DCUN1D4: variants seen among roughly 807,000 people sequenced by gnomAD.
DCUN1D4 encodes DCN1-like protein 4.
DCUN1D4 carries 22 observed loss-of-function variants against 47.9 expected under a neutral mutation model. The observed-to-expected ratio is 0.46, with a 90% CI of 0.33 to 0.66. The LOEUF is 0.66. Among genes scored for constraint, DCUN1D4 ranks in the 30% least tolerant of loss-of-function variants. The pLI is 0.02. For missense variants in DCUN1D4, 301 were observed against 340.8 expected, an observed-to-expected ratio of 0.88 and a Z score of 0.92; for synonymous variants, 121 against 112.2, an observed-to-expected ratio of 1.08 and a Z score of -0.50.
At chr4:51,849,260 G>A (rs1223490810) in intron 1 of DCUN1D4, among the ~76,000 whole-genome samples, 1 of 152,176 alleles carries the variant, frequency 6.6e-6, no homozygotes, top group East Asian at 1.9e-4. Context: ...TTTCTGGGGG[G>A]ATGCACAGTG....
chr4:51,843,393 AC>A (rs988677956), intron 1 of DCUN1D4, 126 bp downstream of exon 1: 1 of 1,298,696 alleles, frequency 7.7e-7, no homozygotes, highest in African/African-American at 1.6e-5. Context: ...CCTGGGAACC[AC>A]CCCTTCCCCT....
intron 4 of DCUN1D4, 55 bp from the exon 5 acceptor site, chr4:51,877,708 A>T: frequency 9.5e-7 from 1 of 1,054,226 alleles, no homozygotes; most frequent in Non-Finnish European, 1.4e-6. Context: ...ATTATCTGCT[A>T]CTTTAAAGAA....
chr4:51,848,785 T>A (rs993137689), intron 1 of DCUN1D4, among the ~76,000 whole-genome samples: 1 of 152,242 alleles, frequency 6.6e-6, no homozygotes, highest in Admixed American at 6.5e-5. Flanking sequence ...TTTGAATTGC[T>A]TTTAATCAGA....
intron 7 of DCUN1D4, among the ~76,000 whole-genome samples, chr4:51,896,532 A>T (rs1731293082): frequency 6.6e-6 from 1 of 152,080 alleles, no homozygotes; most frequent in Non-Finnish European, 1.5e-5. Flanking sequence ...TGGGTTACCC[A>T]GTTTCCCTCC....
At chr4:51,909,115 G>C in intron 8 of DCUN1D4, 1 of 405,946 alleles carries the variant, frequency 2.5e-6, no homozygotes, top group Non-Finnish European at 4.9e-6. Flanking sequence ...CAAAGAGTCT[G>C]TCCAGGTCTT....
At chr4:51,866,195 A>G (rs1454597616) in intron 3 of DCUN1D4, among the ~76,000 whole-genome samples, 1 of 152,220 alleles carries the variant, frequency 6.6e-6, no homozygotes, top group African/African-American at 2.4e-5. Flanking sequence ...GGACAGTCAA[A>G]AACAATTTAT....
At position 51,859,417 on chromosome 4, in the gene DCUN1D4, C is replaced by T. The variant is rs369832164; in HGVS notation, c.26-4020C>T. 3.3e-5 allele frequency among the ~76,000 whole-genome samples: 5 copies of T among 151,930 alleles called. 1 individual carries two copies. In the South Asian group the frequency reaches 1.0e-3, roughly 32 times the overall value. On this transcript the variant is annotated intron_variant, in intron 1 of 10. Coordinates refer to ENST00000334635, the MANE Select transcript of DCUN1D4 (RefSeq NM_001040402.3). ...ATGTATTTAAATTCTGTTTCTAACC[C>T]TCTTATGAGAGTAAACTATTAGGAC...
At chr4:51,882,412 C>T (rs981323776) in intron 5 of DCUN1D4, among the ~76,000 whole-genome samples, 1 of 152,070 alleles carries the variant, frequency 6.6e-6, no homozygotes, top group African/African-American at 2.4e-5. Context: ...GAGAGGAAGC[C>T]GGGGAACACC....
At chr4:51,882,786 A>C (rs181668005) in intron 5 of DCUN1D4, among the ~76,000 whole-genome samples, 84 of 152,198 alleles carry the variant, frequency 5.5e-4, no homozygotes, top group African/African-American at 2.0e-3. Flanking sequence ...ATAAATAAAT[A>C]AAAGAATAAG....
intron 5 of DCUN1D4, among the ~76,000 whole-genome samples, chr4:51,878,546 A>G (rs1728041500): frequency 6.6e-6 from 1 of 152,148 alleles, no homozygotes; most frequent in African/African-American, 2.4e-5. Context: ...ACAACCTGCC[A>G]TGTGCCACTG....
At chr4:51,841,639 A>G (rs1342172741), upstream of DCUN1D4, among the ~76,000 whole-genome samples, 1 of 152,196 alleles carries the variant, frequency 6.6e-6, no homozygotes, top group East Asian at 1.9e-4. Flanking sequence ...AAATAGTATT[A>G]TAAGGATGTA....
chr4:51,882,257 G>T (rs570475544), intron 5 of DCUN1D4, among the ~76,000 whole-genome samples: 2 of 152,332 alleles, frequency 1.3e-5, no homozygotes, highest in African/African-American at 4.8e-5. Context: ...CTTCGTTGAG[G>T]TCTGGGGTGC....
intron 4 of DCUN1D4, among the ~76,000 whole-genome samples, chr4:51,875,749 G>A (rs555196263): frequency 2.0e-5 from 3 of 152,150 alleles, no homozygotes; most frequent in Non-Finnish European, 4.4e-5. Context: ...CACTAAGCAT[G>A]ATGTTTTTGA....
At chr4:51,896,602 AT>A (rs1298030878) in intron 7 of DCUN1D4, among the ~76,000 whole-genome samples, 3 of 152,134 alleles carry the variant, frequency 2.0e-5, no homozygotes, top group Non-Finnish European at 4.4e-5. Context: ...CATTAAAAAA[AT>A]CTAACCCTAC....
intron 6 of DCUN1D4, among the ~76,000 whole-genome samples, chr4:51,889,799 A>G (rs1376747428): frequency 6.6e-6 from 1 of 152,152 alleles, no homozygotes; most frequent in Admixed American, 6.5e-5. Flanking sequence ...AATTTGAAGA[A>G]CTGTAACCCC....
the DCUN1D4 span, among the ~76,000 whole-genome samples, chr4:51,834,066 C>T: frequency 4.4e-5 from 6 of 137,128 alleles, no homozygotes; most frequent in East Asian, 2.2e-4. Context: ...CTCTCTCTCT[C>T]TCTCTCTCTC....
At chr4:51,850,469 C>T (rs1388633048) in intron 1 of DCUN1D4, among the ~76,000 whole-genome samples, 1 of 152,108 alleles carries the variant, frequency 6.6e-6, no homozygotes, top group Non-Finnish European at 1.5e-5. Context: ...CAAATCCTTG[C>T]TCTGTCATCT....
At chr4:51,891,677 A>G (rs1730443793) in intron 6 of DCUN1D4, 83 bp from the exon 7 acceptor site, 4 of 1,073,950 alleles carry the variant, frequency 3.7e-6, no homozygotes, top group African/African-American at 3.2e-5. Flanking sequence ...CAAAACGTTA[A>G]TGTATTAATG....
At chr4:51,894,582 GTAAC>G (rs930667685) in intron 7 of DCUN1D4, among the ~76,000 whole-genome samples, 6 of 152,170 alleles carry the variant, frequency 3.9e-5, no homozygotes, top group Admixed American at 3.3e-4. Context: ...TGCCAGTAAA[GTAAC>G]TAAATAAGCA....
Sources: allele counts gnomAD v4.1 joint callset (sites outside exome capture counted in the v4.1 genomes callset), GRCh38; gene constraint gnomAD v4.1.1; transcripts MANE v1.5; gene names NCBI Gene and HGNC (gene_info 2026-07-23, HGNC 2026-07-21).